The following SNAP91 variants were observed in gnomAD, a reference collection of about 807,000 sequenced individuals.
The protein encoded by SNAP91 is clathrin coat assembly protein AP180.
In SNAP91, 27 loss-of-function variants were observed where a neutral mutation model predicts 100.3. The ratio of observed to expected loss-of-function variants is 0.27; its 90% CI spans 0.20 to 0.37. SNAP91 has a LOEUF of 0.37. Ranked by LOEUF, SNAP91 falls within the 10% of genes least tolerant of loss-of-function variation. The pLI, the probability that SNAP91 is intolerant of heterozygous loss-of-function variation, is 1.00. For synonymous variants in SNAP91, 404 were observed against 398.6 expected, an observed-to-expected ratio of 1.01 and a Z score of -0.16; for missense variants, 986 against 1,123.7, an observed-to-expected ratio of 0.88 and a Z score of 1.75.
chr6:83,613,578 C>T (rs910332304), intron 11 of SNAP91, among the ~76,000 whole-genome samples: 1 of 152,162 alleles, frequency 6.6e-6, no homozygotes, highest in African/African-American at 2.4e-5. Context: ...TTCCCAGGCT[C>T]GGAGAGGTTA....
intron 8 of SNAP91, among the ~76,000 whole-genome samples, chr6:83,627,542 A>G (rs1201517090): frequency 6.6e-6 from 1 of 151,992 alleles, no homozygotes; most frequent in Non-Finnish European, 1.5e-5. Flanking sequence ...TTGAAAGACC[A>G]ATAACGGAGT....
intron 7 of SNAP91, among the ~76,000 whole-genome samples, chr6:83,641,830 A>T (rs1469156915): frequency 6.6e-6 from 1 of 152,152 alleles, no homozygotes; most frequent in Non-Finnish European, 1.5e-5. Context: ...CTCAACCTTT[A>T]GCTTTCTAGA....
At chr6:83,619,861 T>C (rs2096643732) in intron 9 of SNAP91, among the ~76,000 whole-genome samples, 1 of 152,186 alleles carries the variant, frequency 6.6e-6, no homozygotes, top group African/African-American at 2.4e-5. Flanking sequence ...TTAGATGCTA[T>C]AGCTTATAAA....
At chr6:83,639,541 A>G (rs1032896318) in intron 8 of SNAP91, among the ~76,000 whole-genome samples, 1 of 152,164 alleles carries the variant, frequency 6.6e-6, no homozygotes, top group African/African-American at 2.4e-5. Context: ...GACTCTTACA[A>G]TGATATCTGA....
At chr6:83,702,759 T>TA (rs1488875275) in intron 2 of SNAP91, among the ~76,000 whole-genome samples, 1 of 152,172 alleles carries the variant, frequency 6.6e-6, no homozygotes, top group East Asian at 1.9e-4. Context: ...ATTATACCAT[T>TA]AAAAAAAGAT....
intron 2 of SNAP91, among the ~76,000 whole-genome samples, chr6:83,701,839 T>C (rs2099315572): frequency 2.0e-5 from 3 of 152,206 alleles, no homozygotes; most frequent in Admixed American, 1.3e-4. Context: ...TCCTCACACA[T>C]CTGGGACAAA....
intron 8 of SNAP91, among the ~76,000 whole-genome samples, chr6:83,630,046 C>G (rs116648639): frequency 1.3e-5 from 2 of 151,912 alleles, no homozygotes; most frequent in East Asian, 3.9e-4. Flanking sequence ...TTTTGCTAAG[C>G]GTTTTAATCA....
chr6:83,558,151 A>G (rs1246245415), intron 28 of SNAP91, among the ~76,000 whole-genome samples: 1 of 152,112 alleles, frequency 6.6e-6, no homozygotes, highest in East Asian at 1.9e-4. Flanking sequence ...ATAAAATTAT[A>G]TTTATTTATT....
chr6:83,675,247 C>T (rs192382622), intron 2 of SNAP91, among the ~76,000 whole-genome samples: 6 of 152,304 alleles, frequency 3.9e-5, no homozygotes, highest in Non-Finnish European at 7.4e-5. Context: ...AATTTAACAA[C>T]AGATATCCTT....
intron 16 of SNAP91, among the ~76,000 whole-genome samples, chr6:83,599,858 C>T (rs1289359154): frequency 6.6e-6 from 1 of 152,148 alleles, no homozygotes; most frequent in Non-Finnish European, 1.5e-5. Context: ...TGATCAGGCT[C>T]ACTGTAACCT....
At chr6:83,605,623 C>G in intron 14 of SNAP91, 62 bp downstream of exon 14, 1 of 1,542,422 alleles carries the variant, frequency 6.5e-7, no homozygotes, top group East Asian at 2.5e-5. Flanking sequence ...CAATTATAGC[C>G]TAAGTAAAAA....
chr6:83,658,943 T>G, intron 6 of SNAP91, 56 bp downstream of exon 6: 1 of 1,351,292 alleles, frequency 7.4e-7, no homozygotes, highest in Non-Finnish European at 1.0e-6. Flanking sequence ...GTAGCCCATC[T>G]TCAAATGAAA....
At chr6:83,639,947 A>G (rs973767729) in intron 8 of SNAP91, among the ~76,000 whole-genome samples, 4 of 152,198 alleles carry the variant, frequency 2.6e-5, no homozygotes, top group African/African-American at 9.6e-5. Context: ...CCTGTATAGC[A>G]GCAAAAGAAA....
intron 3 of SNAP91, among the ~76,000 whole-genome samples, chr6:83,663,351 CAAA>C (rs1391539601): frequency 1.3e-5 from 2 of 152,056 alleles, no homozygotes; most frequent in Non-Finnish European, 2.9e-5. Flanking sequence ...TGAGAAAGGC[CAAA>C]AGCTAGCTCT....
intron 28 of SNAP91, among the ~76,000 whole-genome samples, chr6:83,556,704 A>AT (rs1409668070): frequency 1.3e-5 from 2 of 152,182 alleles, no homozygotes; most frequent in Non-Finnish European, 2.9e-5. Context: ...ATACAAAAGC[A>AT]TTTTTACTTT....
At chr6:83,560,691 A>G (rs1281136996) in intron 27 of SNAP91, among the ~76,000 whole-genome samples, 173 bp downstream of exon 27, 1 of 152,232 alleles carries the variant, frequency 6.6e-6, no homozygotes, top group Non-Finnish European at 1.5e-5. Flanking sequence ...TTTATAACTC[A>G]TTTTATCACT....
At chr6:83,642,688 C>G (rs1445529284) in intron 7 of SNAP91, among the ~76,000 whole-genome samples, 1 of 152,170 alleles carries the variant, frequency 6.6e-6, no homozygotes, top group Non-Finnish European at 1.5e-5. Flanking sequence ...GATTTATAAT[C>G]CTTTGGGTAT....
intron 2 of SNAP91, among the ~76,000 whole-genome samples, chr6:83,667,815 C>A (rs1050653355): frequency 2.0e-5 from 3 of 151,994 alleles, no homozygotes; most frequent in Non-Finnish European, 4.4e-5. Context: ...GCAACAAAAG[C>A]CAAAATTGAC....
intron 10 of SNAP91, among the ~76,000 whole-genome samples, chr6:83,616,538 A>C (rs183260462): frequency 7.5e-4 from 114 of 152,272 alleles, no homozygotes; most frequent in South Asian, 4.1e-4. Flanking sequence ...GAGATACTGG[A>C]GTCCAAAAAA....
Sources: allele counts gnomAD v4.1 joint callset (sites outside exome capture counted in the v4.1 genomes callset), GRCh38; gene constraint gnomAD v4.1.1; transcripts MANE v1.5; gene names NCBI Gene and HGNC (gene_info 2026-07-23, HGNC 2026-07-21).